The following MAPKAPK3 variants were observed in gnomAD, a reference collection of about 807,000 sequenced individuals.
MAPKAPK3 encodes MAPK activated protein kinase 3.
In MAPKAPK3, 35 loss-of-function variants were observed where a neutral mutation model predicts 49.2. The observed-to-expected ratio is 0.71, with a 90% CI of 0.54 to 0.94. MAPKAPK3 has a LOEUF of 0.94. Among genes scored for constraint, MAPKAPK3 ranks in the 40% least tolerant of loss-of-function variants. The pLI is 0.00. For missense variants in MAPKAPK3, 398 were observed against 493.1 expected (o/e 0.81, Z 1.83); for synonymous variants, 178 against 188.7 (o/e 0.94, Z 0.46).
chr3:50,615,033 A>G (rs1039983661), upstream of MAPKAPK3, among the ~76,000 whole-genome samples: 2 of 152,290 alleles, frequency 1.3e-5, no homozygotes, highest in Non-Finnish European at 2.9e-5. Flanking sequence ...GAAAGAAGAC[A>G]TCTTCACAGA....
At chr3:50,646,499 T>C (rs1306665207) in intron 8 of MAPKAPK3, among the ~76,000 whole-genome samples, 1 of 152,198 alleles carries the variant, frequency 6.6e-6, no homozygotes, top group African/African-American at 2.4e-5. Context: ...TCATTCATAT[T>C]TTCCCCTTTG....
At chr3:50,644,350 G>A (rs1276503007) in intron 5 of MAPKAPK3, 59 bp from the exon 6 acceptor site, 1 of 1,600,890 alleles carries the variant, frequency 6.2e-7, no homozygotes, top group Admixed American at 1.7e-5. Flanking sequence ...AGATCACCTT[G>A]GGGCTCTGCT....
Position 50,626,641 on chromosome 3 carries a change from AG to A in MAPKAPK3, c.219+8862del, listed in dbSNP as rs1465261286. Among the ~76,000 whole-genome samples the A allele has an allele frequency of 8.5e-5, 13 of 152,312 alleles. No homozygotes were observed. The South Asian group carries it at 2.7e-3, about 32-fold the overall frequency. ...CGTGCTTTCTGGCAGGCAGTGGCAC[AG>A]GGGGCAGGGGGATGGCAATAAGGGC... On this transcript the variant is annotated intron_variant, in intron 2 of 10. Transcript: ENST00000621469.
rs1246401525 is a variant in MAPKAPK3, at chr3:50,643,414, G to A, written c.505-995G>A. ...AGCACACACATGCATGTGCACACAAGCATGTGTGAGCACTATCAGAGCAGA... is the reference window on the plus strand; with the variant it reads ...AGCACACACATGCATGTGCACACAAACATGTGTGAGCACTATCAGAGCAGA... On this transcript the variant is annotated intron_variant, in intron 5 of 10. Coordinates refer to ENST00000621469, the MANE Select transcript of MAPKAPK3 (RefSeq NM_001243925.2). Among the ~76,000 whole-genome samples, 4 of 152,260 alleles carry A rather than the reference G, an allele frequency of 2.6e-5. No homozygotes were observed. In the East Asian group the frequency reaches 7.7e-4, roughly 29 times the overall value.
chr3:50,646,337 G>C, intron 8 of MAPKAPK3, 73 bp downstream of exon 8: 2 of 1,596,978 alleles, frequency 1.3e-6, no homozygotes. Context: ...CATCACTTTG[G>C]TGTCAAACTG....
upstream of MAPKAPK3, among the ~76,000 whole-genome samples, chr3:50,615,840 C>G (rs545051785): frequency 6.6e-6 from 1 of 152,366 alleles, no homozygotes; most frequent in East Asian, 1.9e-4. Flanking sequence ...TCAACATCTG[C>G]ACACAGTGGG....
In MAPKAPK3 at chr3:50,646,753, C is replaced by G; in HGVS notation, c.843C>G (p.Ile281Met). ...TGGCCCCCCTAGCCAAGCAGCTGAT[C>G]CGCCTCCTGTTGAAGACAGACCCCA... The part of the protein sequence containing the change: ...SEVSEDAKQL[I>M]RLLLKTDPTE... Residue 281 changes from isoleucine to methionine, a missense_variant, in exon 9 of 11, where the codon ATC (isoleucine) becomes ATG (methionine). Physicochemically the swap from Ile to Met is conservative, Grantham distance 10. This residue lies in a region of MAPKAPK3 where 152 missense variants were observed against 177.3 expected (regional missense o/e 0.86). Transcript: ENST00000621469. 2 of 1,614,104 alleles carry G rather than the reference C, an allele frequency of 1.2e-6. No individual in the cohort carries two copies. Among genetic ancestry groups the G allele is most frequent in the Non-Finnish European group, 1.7e-6 (2 of 1,180,012 alleles).
Position 50,629,459 on chromosome 3 carries a change from A to G in MAPKAPK3, c.220-10907A>G, listed in dbSNP as rs546739553. ...ATACCTTCAGTGTGCACTGGACACC[A>G]AGTTCATCTGAGCTCTTTGTGTGTG... On this transcript the variant is annotated intron_variant, in intron 2 of 10. Coordinates refer to ENST00000621469, the MANE Select transcript of MAPKAPK3 (RefSeq NM_001243925.2). Among the ~76,000 whole-genome samples, 12 of 152,324 alleles carry G rather than the reference A, an allele frequency of 7.9e-5. No homozygotes were observed. The South Asian group carries it at 8.3e-4, about 11-fold the overall frequency.
upstream of MAPKAPK3, chr3:50,613,914 C>T (rs369276260): frequency 2.0e-5 from 3 of 152,182 alleles, no homozygotes; most frequent in East Asian, 1.9e-4. Flanking sequence ...GGTGATCTGC[C>T]GACTCCTAGA....
chr3:50,612,300 C>T (rs1467185802), upstream of MAPKAPK3: 1 of 152,014 alleles, frequency 6.6e-6, no homozygotes, highest in Non-Finnish European at 1.5e-5. Context: ...GCTTGTCCTC[C>T]CTGCGAGCGG....
intron 2 of MAPKAPK3, among the ~76,000 whole-genome samples, chr3:50,629,483 T>C (rs2107583331): frequency 6.6e-6 from 1 of 151,726 alleles, no homozygotes; most frequent in African/African-American, 2.4e-5. Flanking sequence ...TCTTTGTGTG[T>C]GCTCTCATTC....
intron 2 of MAPKAPK3, among the ~76,000 whole-genome samples, chr3:50,636,881 G>T (rs2033052086): frequency 6.6e-6 from 1 of 152,018 alleles, no homozygotes; most frequent in African/African-American, 2.4e-5. Context: ...GAGGGCTCTG[G>T]CTCCTGTGAT....
intron 2 of MAPKAPK3, among the ~76,000 whole-genome samples, chr3:50,618,800 C>G (rs554587366): frequency 1.3e-5 from 2 of 152,322 alleles, no homozygotes; most frequent in African/African-American, 4.8e-5. Flanking sequence ...AGCGATTTTA[C>G]TGCCTCAGCC....
chr3:50,646,781 G>A lies in MAPKAPK3; in HGVS notation c.871G>A (p.Glu291Lys). 1 of 1,614,082 alleles carries A rather than the reference G, an allele frequency of 6.2e-7. No individual in the cohort carries two copies. Among genetic ancestry groups the A allele is most frequent in the Non-Finnish European group, 8.5e-7 (1 of 1,180,014 alleles). Residue 291 changes from glutamate (E) to lysine (K), a missense_variant, in exon 9 of 11, where the codon GAG (glutamate) becomes AAG (lysine). Transcript: ENST00000621469. ...CCTCCTGTTGAAGACAGACCCCACA[G>A]AGAGGCTGACCATCACTCAGTTCAT... ...IRLLLKTDPT[E>K]RLTITQFMNH...
chr3:50,640,554 C>T, intron 3 of MAPKAPK3, 49 bp downstream of exon 3: 2 of 1,551,656 alleles, frequency 1.3e-6, no homozygotes, highest in Non-Finnish European at 1.7e-6. Flanking sequence ...CCCTGTGGCC[C>T]TCAGGCTCCC....
At position 50,645,831 on chromosome 3, in the gene MAPKAPK3, C is replaced by G. The variant is rs139747464; in HGVS notation, c.704+46C>G. On this transcript the variant is annotated intron_variant, in intron 7 of 10. Coordinates refer to ENST00000621469, the MANE Select transcript of MAPKAPK3 (RefSeq NM_001243925.2). ...CTGCCTCCATCTCCTGCCCTTACCCCCACTGTGAGCCCTCAGGACCACTTC... is the reference window on the plus strand; with the variant it reads ...CTGCCTCCATCTCCTGCCCTTACCCGCACTGTGAGCCCTCAGGACCACTTC... 3.2e-6 allele frequency: 5 copies of G among 1,568,934 alleles called. No homozygotes were observed. The African/African-American group carries it at 5.4e-5, about 17-fold the overall frequency.
Position 50,648,317 on chromosome 3 carries a change from G to C in MAPKAPK3, c.*271G>C. 1 of 405,486 alleles carries C rather than the reference G, an allele frequency of 2.5e-6. No individual in the cohort carries two copies. 25.1% of individuals were successfully genotyped at this position (405,486 alleles called of 1,614,324 possible). A position where few individuals can be genotyped will look rare whatever the true frequency, so the allele number is the denominator to read the frequency against. ...AGCACCTTTAGCTAGGTTGGCCCGA[G>C]TGAGGCCTCTGTGCTGTCCTGCCCT... On this transcript the variant is annotated 3_prime_UTR_variant, in exon 11 of 11. Coordinates refer to ENST00000621469, the MANE Select transcript of MAPKAPK3 (RefSeq NM_001243925.2).
Position 50,644,600 on chromosome 3 carries a change from G to A in MAPKAPK3, c.628+68G>A. The A allele has an allele frequency of 1.9e-6, 3 of 1,543,810 alleles. No homozygotes were observed. In the Admixed American group the frequency reaches 5.2e-5, roughly 27 times the overall value. The stretch of plus-strand genomic sequence containing the variant: ...ATACAGCTGTATTATGGGGTAGCCA[G>A]TGGGTTGCAGAAACCAAAGGGTTAA... On this transcript the variant is annotated intron_variant, in intron 6 of 10. Coordinates refer to ENST00000621469, the MANE Select transcript of MAPKAPK3 (RefSeq NM_001243925.2).
At chr3:50,647,260 T>C (rs1402387200) in intron 10 of MAPKAPK3, 57 bp downstream of exon 10, 2 of 1,441,188 alleles carry the variant, frequency 1.4e-6, no homozygotes, top group African/African-American at 2.8e-5. Context: ...CAAAAGGGAC[T>C]TCAGGGGGGT....
Sources: allele counts gnomAD v4.1 joint callset (sites outside exome capture counted in the v4.1 genomes callset), GRCh38; gene constraint gnomAD v4.1.1; regional missense constraint gnomAD v4.1.1; transcripts MANE v1.5; gene names NCBI Gene and HGNC (gene_info 2026-07-23, HGNC 2026-07-21).